CPAMD8: variants seen among roughly 807,000 people sequenced by gnomAD.
CPAMD8 encodes C3 and PZP like alpha-2-macroglobulin domain containing 8.
Under a neutral mutation model 224.7 loss-of-function variants are expected in CPAMD8, and 146 were observed. The observed-to-expected ratio is 0.65, with a 90% CI of 0.57 to 0.75. The LOEUF (loss-of-function observed/expected upper bound fraction) is 0.75, where lower values mean the gene tolerates loss of function less well. Among genes scored for constraint, CPAMD8 ranks in the 30% least tolerant of loss-of-function variants. The probability of loss-of-function intolerance (pLI) is 0.00; values close to 1 mark genes in which losing one functional copy is unlikely to be tolerated. For missense variants in CPAMD8, 2,301 were observed against 2,537.5 expected (o/e 0.91, Z 2.00); for synonymous variants, 966 against 1,044.6 (o/e 0.92, Z 1.45).
intron 3 of CPAMD8, among the ~76,000 whole-genome samples, chr19:17,018,029 T>TAAAAAAAAAAAA (rs35265697): frequency 7.5e-6 from 1 of 132,908 alleles, no homozygotes; most frequent in African/African-American, 2.8e-5. Flanking sequence ...CAAGACTGCT[T>TAAAAAAAAAAAA]AAAAAAAAAA....
intron 23 of CPAMD8, among the ~76,000 whole-genome samples, chr19:16,936,942 T>C (rs769967969): frequency 8.5e-5 from 13 of 152,204 alleles, no homozygotes; most frequent in Non-Finnish European, 1.8e-4. Flanking sequence ...AAAAACTATA[T>C]GCTTGGCTCT....
intron 6 of CPAMD8, 183 bp from the exon 7 acceptor site, chr19:17,008,742 G>C (rs1455703952): frequency 1.4e-6 from 1 of 733,594 alleles, no homozygotes; most frequent in East Asian, 2.5e-5. Context: ...TTGAAAAGCA[G>C]AAGGGGATGG....
chr19:16,993,182 C>T (rs1454489973), intron 12 of CPAMD8, among the ~76,000 whole-genome samples: 1 of 152,232 alleles, frequency 6.6e-6, no homozygotes, highest in Non-Finnish European at 1.5e-5. Context: ...TTGGAGAGAT[C>T]TCCTTGGACA....
rs201980602 is a variant in CPAMD8, at chr19:16,903,843, A to C, written c.4266T>G (p.Ala1422=). ...TGGCATATTCAGCCAAGGCCTGCAGAGCCACGCAGGTGTCCTGGGGATGGA... is the reference window on the plus strand; with the variant it reads ...TGGCATATTCAGCCAAGGCCTGCAGCGCCACGCAGGTGTCCTGGGGATGGA... ...GFSSTQDTCV[A]LQALAEYAIL... The change falls in exon 33 of 42, where the codon GCT becomes GCG. Residue 1422 remains alanine (A), a synonymous_variant. Transcript: ENST00000443236. The C allele has an allele frequency of 1.7e-5, 28 of 1,613,690 alleles. No individual in the cohort carries two copies. The highest frequency in any genetic ancestry group is 2.2e-5 in the Non-Finnish European group (26 of 1,179,988).
At chr19:16,996,648 G>A (rs1457080607) in intron 11 of CPAMD8, among the ~76,000 whole-genome samples, 4 of 151,900 alleles carry the variant, frequency 2.6e-5, no homozygotes, top group South Asian at 4.2e-4. Context: ...GCGAAACCCC[G>A]TCTCTACTAA....
rs3745335 is a variant in CPAMD8 at position 16,977,509 on chromosome 19, G to T, written c.1617C>A (p.Asp539Glu). 440,911 of 1,600,264 alleles carry T rather than the reference G, an allele frequency of 0.28. 63,369 individuals are homozygous for T. Among genetic ancestry groups the T allele is most frequent in the African/African-American group, 0.46 (34,502 of 74,314 alleles). Residue 539 changes from aspartate (D) to glutamate (E), a missense_variant, in exon 15 of 42, where the codon GAC becomes GAA. Asp to Glu is a conservative substitution (Grantham distance 45). Coordinates refer to ENST00000443236, the MANE Select transcript of CPAMD8 (RefSeq NM_015692.5). ...CCAGATGAAGAGAGGTCACACACAC[G>T]TCGACCTCAGCTTCTGGGGCTGGTG... ...EPPPAPEAEV[D>E]VCVTSLHLAV...
chr19:16,939,154 TTTA>T (rs2053795118), intron 22 of CPAMD8, among the ~76,000 whole-genome samples: 4 of 65,604 alleles, frequency 6.1e-5, no homozygotes, highest in African/African-American at 3.4e-4. Context: ...GTCAATTTTA[TTTA>T]TTTATTTATT....
rs2052809465 is a variant in CPAMD8, at chr19:16,913,575, G to C, written c.3861+849C>G. Among the ~76,000 whole-genome samples, 4 of 152,158 alleles carry C rather than the reference G, an allele frequency of 2.6e-5. No homozygotes were observed. The South Asian group carries it at 8.3e-4, about 32-fold the overall frequency. ...TCCTCTAGAACTGTGCAAAATAAAT[G>C]CCTATTGTTGAAGCCACTTACTCCA... On this transcript the variant is annotated intron_variant, in intron 29 of 41. Coordinates refer to ENST00000443236, the MANE Select transcript of CPAMD8 (RefSeq NM_015692.5).
intron 5 of CPAMD8, 106 bp from the exon 6 acceptor site, chr19:17,009,426 T>C (rs1429385383): frequency 2.5e-6 from 4 of 1,584,258 alleles, no homozygotes; most frequent in Non-Finnish European, 3.5e-6. Context: ...GTCGCTGTTA[T>C]GGGTTAAACA....
At position 16,897,734 on chromosome 19, in the gene CPAMD8, T is replaced by C. The variant is rs1417720391; in HGVS notation, c.5022A>G (p.Gly1674=). The C allele has an allele frequency of 1.3e-6, 2 of 1,570,712 alleles. No homozygotes were observed. ...HSPLARELCA[G]PACNEVERAP... ...CGCGCTCCACTTCGTTGCACGCGGG[T>C]CCGGCGCACAGTTCCCGGGCGAGTG... is the stretch of plus-strand genomic sequence containing the variant. The change falls in exon 39 of 42, where the codon GGA becomes GGG. Residue 1674 remains glycine (G), a synonymous_variant. Transcript: ENST00000443236.
chr19:16,987,977 T>C (rs1026721632), intron 13 of CPAMD8, among the ~76,000 whole-genome samples: 1 of 152,170 alleles, frequency 6.6e-6, no homozygotes, highest in African/African-American at 2.4e-5. Flanking sequence ...AACTCTACTT[T>C]TTGTTCAAGG....
intron 19 of CPAMD8, among the ~76,000 whole-genome samples, chr19:16,954,434 G>A (rs1350211804): frequency 1.3e-5 from 2 of 152,008 alleles, no homozygotes; most frequent in Non-Finnish European, 2.9e-5. Context: ...AATGTAAAAC[G>A]CTGCAGCTGC....
chr19:17,022,743 C>G (rs775665059), intron 1 of CPAMD8, among the ~76,000 whole-genome samples: 4 of 152,150 alleles, frequency 2.6e-5, no homozygotes, highest in Non-Finnish European at 5.9e-5. Context: ...AAATGATCCA[C>G]CCTCCTCAGC....
intron 26 of CPAMD8, among the ~76,000 whole-genome samples, chr19:16,923,146 G>A (rs1164902135): frequency 6.6e-6 from 1 of 152,226 alleles, no homozygotes; most frequent in African/African-American, 2.4e-5. Flanking sequence ...GTGAGAGGCC[G>A]GTGGGCCACA....
chr19:16,976,278 C>T (rs1168445540), intron 15 of CPAMD8, 127 bp from the exon 16 acceptor site: 1 of 620,292 alleles, frequency 1.6e-6, no homozygotes, highest in Non-Finnish European at 2.7e-6. Context: ...GAGTTCGAGA[C>T]CAGCCTGGCC....
At chr19:16,945,173 T>C (rs2054029604) in intron 22 of CPAMD8, among the ~76,000 whole-genome samples, 1 of 152,158 alleles carries the variant, frequency 6.6e-6, no homozygotes, top group African/African-American at 2.4e-5. Flanking sequence ...TCTGTGTCCT[T>C]CCTACACAGG....
intron 39 of CPAMD8, 30 bp downstream of exon 39, chr19:16,897,661 T>TG: frequency 7.9e-7 from 1 of 1,260,474 alleles, no homozygotes; most frequent in Non-Finnish European, 1.1e-6. Context: ...CAGGCCGCGG[T>TG]GGGGGGCGGC....
intron 18 of CPAMD8, among the ~76,000 whole-genome samples, chr19:16,961,679 C>T (rs1050594996): frequency 4.6e-5 from 7 of 152,210 alleles, no homozygotes; most frequent in African/African-American, 1.2e-4. Context: ...CCCAGCATGG[C>T]GTTTCAGCTC....
chr19:17,013,271 G>A (rs913865137), intron 3 of CPAMD8: 4 of 152,188 alleles, frequency 2.6e-5, no homozygotes, highest in African/African-American at 9.7e-5. Flanking sequence ...CACTTCGGGA[G>A]GCCGAGGTGG....
Sources: gnomAD v4.1 joint callset for allele counts (sites outside exome capture counted in the v4.1 genomes callset) on GRCh38, gnomAD v4.1.1 for gene constraint, MANE v1.5 for transcripts, NCBI Gene and HGNC (gene_info 2026-07-23, HGNC 2026-07-21) for gene names.